PKD1: variants seen among roughly 807,000 people sequenced by gnomAD.
The protein encoded by PKD1 is polycystin 1, transient receptor potential channel interacting, also known as polycystin-1.
In PKD1, 81 loss-of-function variants were observed where a neutral mutation model predicts 361.7. That is an observed-to-expected ratio of 0.22 (90% CI 0.19 to 0.27). The LOEUF (loss-of-function observed/expected upper bound fraction) is 0.27. Ranked by LOEUF, PKD1 falls within the 10% of genes least tolerant of loss-of-function variation. The probability of loss-of-function intolerance (pLI) is 1.00; values close to 1 mark genes in which losing one functional copy is unlikely to be tolerated. For synonymous variants in PKD1, 3,615 were observed against 2,818.3 expected, an observed-to-expected ratio of 1.28 and a Z score of -8.95; for missense variants, 6,399 against 6,118.3, an observed-to-expected ratio of 1.05 and a Z score of -1.53.
chr16:2,094,060 G>A (rs1430641603), intron 35 of PKD1, 32 bp downstream of exon 35: 4 of 1,584,880 alleles, frequency 2.5e-6, no homozygotes, highest in East Asian at 2.3e-5. Flanking sequence ...ACAGGGAGGG[G>A]CTAGGGGCAT....
In PKD1 at chr16:2,093,817, T is replaced by G. The variant is rs1411961081; in HGVS notation, c.10815A>C (p.Pro3605=). The part of the protein sequence containing the change: ...SFLASFLGWE[P]LKVLLEALYF... ...CCCCTGGCAGCCCCCTCACCTTCAG[T>G]GGCTCCCAGCCGAGGAATGAGGCCA... Residue 3605 remains proline, a synonymous_variant, in exon 36 of 46, where the codon CCA becomes CCC. Transcript: ENST00000262304. 1 of 1,555,756 alleles carries G rather than the reference T, an allele frequency of 6.4e-7. No homozygotes were observed. The highest frequency in any genetic ancestry group is 8.7e-7 in the Non-Finnish European group (1 of 1,155,150).
intron 20 of PKD1, 37 bp downstream of exon 20, chr16:2,105,826 ATG>A: frequency 1.3e-6 from 2 of 1,581,668 alleles, no homozygotes; most frequent in Non-Finnish European, 1.7e-6. Context: ...CCAAGCACGC[ATG>A]CAGCAGATGT....
rs1168154724 is a variant in PKD1, at chr16:2,099,778, G to A, written c.9924-8C>T. On this transcript the variant is annotated splice_polypyrimidine_tract_variant and splice_region_variant and intron_variant, in intron 29 of 45. Transcript: ENST00000262304. ...CTGGACACATGCCCCGTGCTGTGTGGAGGAGAGGAGGCCACACAGGTGAGG... is the reference window on the plus strand; with the variant it reads ...CTGGACACATGCCCCGTGCTGTGTGAAGGAGAGGAGGCCACACAGGTGAGG... 5 of 1,554,494 alleles carry A rather than the reference G, an allele frequency of 3.2e-6. No individual in the cohort carries two copies. The highest frequency in any genetic ancestry group is 4.3e-6 in the Non-Finnish European group (5 of 1,149,726).
rs1447566213 is a variant in PKD1, at chr16:2,118,468, A to G, written c.530-6T>C. On this transcript the variant is annotated splice_polypyrimidine_tract_variant and splice_region_variant and intron_variant, in intron 4 of 45. Coordinates refer to ENST00000262304, the MANE Select transcript of PKD1 (RefSeq NM_001009944.3). The surrounding 1 kb of genome is among the most constrained non-coding windows in gnomAD (Gnocchi z 6.0). Reference sequence around the variant, plus strand: ...GCAGGCGACATACTCCTCACCTAGAAGAGGCAGCCACTGGACCCCGGGTTC... The same window carrying G: ...GCAGGCGACATACTCCTCACCTAGAGGAGGCAGCCACTGGACCCCGGGTTC... The G allele has an allele frequency of 7.0e-6, 9 of 1,281,726 alleles. No individual in the cohort carries two copies. Among genetic ancestry groups the G allele is most frequent in the Non-Finnish European group, 9.9e-6 (9 of 913,272 alleles). The allele number at this position is 1,281,726 out of a possible 1,614,324, so 79.4% of individuals were successfully genotyped here. A position where few individuals can be genotyped will look rare whatever the true frequency, so the allele number is the denominator to read the frequency against.
chr16:2,118,983 C>G lies in PKD1; in HGVS notation c.359+131G>C. On this transcript the variant is annotated intron_variant, in intron 3 of 45. Coordinates refer to ENST00000262304, the MANE Select transcript of PKD1 (RefSeq NM_001009944.3). This position sits in a 1 kb window ranked among gnomAD's most constrained non-coding sequence, Gnocchi z 6.0. ...CAACCAAGCCGGCACTGGGGGGCTC[C>G]AAGCAGGCAGTGAACTGCCCCCAGG... 1 of 895,024 alleles carries G rather than the reference C, an allele frequency of 1.1e-6. No individual in the cohort carries two copies. The highest frequency in any genetic ancestry group is 1.8e-6 in the Non-Finnish European group (1 of 565,320). The allele number at this position is 895,024 out of a possible 1,614,324, so 55.4% of individuals were successfully genotyped here. A position where few individuals can be genotyped will look rare whatever the true frequency, so the allele number is the denominator to read the frequency against.
intron 32 of PKD1, 37 bp from the exon 33 acceptor site, chr16:2,097,540 G>T (rs768331753): frequency 2.5e-6 from 4 of 1,602,858 alleles, no homozygotes; most frequent in Non-Finnish European, 2.5e-6. Context: ...ACCAGGGGAT[G>T]TGTCACACAC....
Position 2,110,706 on chromosome 16 carries a change from G to A in PKD1, c.4461C>T (p.Phe1487=), listed in dbSNP as rs1401424433. 3.7e-6 allele frequency: 6 copies of A among 1,610,552 alleles called. No individual in the cohort carries two copies. Among genetic ancestry groups the A allele is most frequent in the South Asian group, 3.3e-5 (3 of 90,986 alleles). ...LGLELQQPYL[F]SAVGRGRPAS... ...CGGGGCGCCCACGGCCCACAGCAGA[G>A]AACAGGTACGGCTGCTGCAGCTCCA... Residue 1487 remains phenylalanine, a synonymous_variant, in exon 15 of 46, where the codon TTC becomes TTT. Transcript: ENST00000262304.
chr16:2,109,400 C>T lies in PKD1; in HGVS notation c.5767G>A (p.Val1923Ile). ...AGSAVTFRLQVGGANPEVLPG... is the reference protein window; with the variant it reads ...AGSAVTFRLQIGGANPEVLPG... ...AGCACCTCGGGGTTGGCCCCGCCGA[C>T]CTGCAGGCGGAAGGTGACAGCTGAG... The change falls in exon 15 of 46, where the codon GTC (valine) becomes ATC (isoleucine). Residue 1923 changes from valine to isoleucine, a missense_variant. Coordinates refer to ENST00000262304, the MANE Select transcript of PKD1 (RefSeq NM_001009944.3). 6.3e-7 allele frequency: 1 copy of T among 1,599,588 alleles called. No homozygotes were observed. Among genetic ancestry groups the T allele is most frequent in the Non-Finnish European group, 8.5e-7 (1 of 1,178,018 alleles).
At position 2,090,493 on chromosome 16, in the gene PKD1, G is replaced by C; in HGVS notation, c.12236C>G (p.Ser4079Cys). ...ACACAGCAGGGGTGACAGGTGCCAG[G>C]ACTCGGCAGGACACAGGGTAGAGAG... ...TGLSTLCPAESWHLSPLLCVG... is the reference protein window; with the variant it reads ...TGLSTLCPAECWHLSPLLCVG... The change falls in exon 45 of 46, where the codon TCC becomes TGC. Residue 4079 changes from serine (S) to cysteine (C), a missense_variant. Transcript: ENST00000262304. The C allele has an allele frequency of 6.2e-7, 1 of 1,611,724 alleles. No homozygotes were observed. Among genetic ancestry groups the C allele is most frequent in the Non-Finnish European group, 8.5e-7 (1 of 1,179,640 alleles).
rs770705503 is a variant in PKD1, at chr16:2,110,899, G to T, written c.4268C>A (p.Pro1423His). The change falls in exon 15 of 46, where the codon CCC becomes CAC. Residue 1423 changes from proline to histidine, a missense_variant. Coordinates refer to ENST00000262304, the MANE Select transcript of PKD1 (RefSeq NM_001009944.3). The part of the protein sequence containing the change: ...TWDFGTEEAA[P>H]TRARGPEVTF... ...CACCTCAGGGCCCCTGGCACGGGTG[G>T]GGGCGGCTTCCTCGGTGCCAAAGTC... The T allele has an allele frequency of 6.2e-7, 1 of 1,611,592 alleles. No homozygotes were observed. Among genetic ancestry groups the T allele is most frequent in the Non-Finnish European group, 8.5e-7 (1 of 1,179,840 alleles).
chr16:2,114,999 G>A, intron 10 of PKD1, 74 bp from the exon 11 acceptor site: 1 of 1,518,022 alleles, frequency 6.6e-7, no homozygotes, highest in East Asian at 2.5e-5. Flanking sequence ...ACGGATGAGG[G>A]TGGACACGCA....
At chr16:2,104,961 G>A (rs1479274220) in intron 21 of PKD1, among the ~76,000 whole-genome samples, 1 of 32,830 alleles carries the variant, frequency 3.0e-5, no homozygotes, top group Non-Finnish European at 6.3e-5. Flanking sequence ...GGGAAGAAGG[G>A]AAAGGGCTAG....
At chr16:2,115,249 AGAGGTG>A in intron 10 of PKD1, 123 bp downstream of exon 10, 1 of 1,088,390 alleles carries the variant, frequency 9.2e-7, no homozygotes. Context: ...GTCGGAGGTC[AGAGGTG>A]GCAAGGACGT....
In PKD1 at chr16:2,110,167, G is replaced by C. The variant is rs1416554392; in HGVS notation, c.5000C>G (p.Thr1667Ser). 1.2e-6 allele frequency: 2 copies of C among 1,610,620 alleles called. No homozygotes were observed. Among genetic ancestry groups the C allele is most frequent in the African/African-American group, 1.3e-5 (1 of 74,894 alleles). The part of the protein sequence containing the change: ...RDGTNVSYSW[T>S]AWRDRGPALA... The stretch of plus-strand genomic sequence containing the variant: ...GGCCGGGCCCCTGTCCCTCCAGGCA[G>C]TCCAGCTGTAGGAGACGTTGGTGCC... Residue 1667 changes from threonine to serine, a missense_variant, in exon 15 of 46, where the codon ACT becomes AGT. Coordinates refer to ENST00000262304, the MANE Select transcript of PKD1 (RefSeq NM_001009944.3).
rs1215858552 is a variant in PKD1 at position 2,115,635 on chromosome 16, G to A, written c.1850-10C>T. On this transcript the variant is annotated splice_polypyrimidine_tract_variant and intron_variant, in intron 9 of 45. Coordinates refer to ENST00000262304, the MANE Select transcript of PKD1 (RefSeq NM_001009944.3). ...CCGTTCTCCGGGGTCCCTGTGAGGA[G>A]GGGAGGGTGTTGGGGCCCTGATTTG... The A allele has an allele frequency of 3.1e-6, 5 of 1,597,480 alleles. No homozygotes were observed. Among genetic ancestry groups the A allele is most frequent in the Non-Finnish European group, 4.3e-6 (5 of 1,176,190 alleles).
chr16:2,108,820 C>A lies in PKD1; in HGVS notation c.6347G>T (p.Arg2116Met). The A allele has an allele frequency of 6.4e-7, 1 of 1,569,986 alleles. No individual in the cohort carries two copies. The highest frequency in any genetic ancestry group is 8.6e-7 in the Non-Finnish European group (1 of 1,158,790). Reference sequence around the variant, plus strand: ...CACCTGCACGCGGTAGTCCCCAGGCCTCAGGTAGGAGTGCTCGGCCCTGGG... The same window carrying A: ...CACCTGCACGCGGTAGTCCCCAGGCATCAGGTAGGAGTGCTCGGCCCTGGG... ...DEPRAEHSYL[R>M]PGDYRVQVNA... Residue 2116 changes from arginine to methionine, a missense_variant, in exon 15 of 46, where the codon AGG becomes ATG. By Grantham distance (91) the Arg-to-Met change is moderately conservative. Transcript: ENST00000262304.
In PKD1 at chr16:2,111,098, G is replaced by A. The variant is rs1194605772; in HGVS notation, c.4069C>T (p.Leu1357=). The stretch of plus-strand genomic sequence containing the variant: ...ACGCGGCTGGACAGCACCAGCGCCA[G>A]GGGGAACGTGCCGCTCCGCGTGAAG... ...HNFTRSGTFP[L]ALVLSSRVNR... Residue 1357 remains leucine, a synonymous_variant, in exon 15 of 46, where the codon CTG becomes TTG. Coordinates refer to ENST00000262304, the MANE Select transcript of PKD1 (RefSeq NM_001009944.3). 6.2e-7 allele frequency: 1 copy of A among 1,610,708 alleles called. No individual in the cohort carries two copies. Among genetic ancestry groups the A allele is most frequent in the Admixed American group, 1.7e-5 (1 of 60,010 alleles).
At chr16:2,132,899 TG>T (rs2092904324) in intron 1 of PKD1, among the ~76,000 whole-genome samples, 1 of 149,918 alleles carries the variant, frequency 6.7e-6, no homozygotes, top group African/African-American at 2.5e-5. Flanking sequence ...CTGACCAATA[TG>T]GAGAAACCCT....
At chr16:2,094,334 G>A in intron 34 of PKD1, 124 bp from the exon 35 acceptor site, 1 of 712,712 alleles carries the variant, frequency 1.4e-6, no homozygotes, top group Non-Finnish European at 2.5e-6. Flanking sequence ...CCGACAAAAA[G>A]CCGGAAGACC....
Sources: allele counts gnomAD v4.1 joint callset (sites outside exome capture counted in the v4.1 genomes callset), GRCh38; gene constraint gnomAD v4.1.1; non-coding constraint Gnocchi (gnomAD v3.1); transcripts MANE v1.5; gene names NCBI Gene and HGNC (gene_info 2026-07-23, HGNC 2026-07-21).